DOCK3: variants seen among roughly 807,000 people sequenced by gnomAD.
DOCK3 encodes the protein dedicator of cytokinesis 3.
DOCK3 carries 60 observed loss-of-function variants against 265.6 expected under a neutral mutation model. The ratio of observed to expected loss-of-function variants is 0.23; its 90% CI spans 0.18 to 0.28. The LOEUF (loss-of-function observed/expected upper bound fraction) is 0.28, where lower values mean the gene tolerates loss of function less well. Among genes scored for constraint, DOCK3 ranks in the 10% least tolerant of loss-of-function variants. The pLI is 1.00. For synonymous variants in DOCK3, 881 were observed against 938.0 expected (o/e 0.94, Z 1.11); for missense variants, 1,981 against 2,594.3 (o/e 0.76, Z 5.14).
At chr3:50,773,244 TTAAAC>T (rs1192089203) in intron 1 of DOCK3, among the ~76,000 whole-genome samples, 2 of 152,112 alleles carry the variant, frequency 1.3e-5, no homozygotes, top group Non-Finnish European at 2.9e-5. Context: ...TGCAGAAGAA[TTAAAC>T]TAGACTCCTA....
chr3:50,795,275 C>T (rs778068475), intron 2 of DOCK3, among the ~76,000 whole-genome samples: 24 of 152,274 alleles, frequency 1.6e-4, no homozygotes, highest in Non-Finnish European at 2.6e-4. Flanking sequence ...AAATGTTGGC[C>T]TGTCGAGGTT....
chr3:51,341,718 G>A (rs1247043717), intron 38 of DOCK3, among the ~76,000 whole-genome samples: 1 of 152,232 alleles, frequency 6.6e-6, no homozygotes, highest in African/African-American at 2.4e-5. Flanking sequence ...TTAAAGAACT[G>A]ATACGGCTTT....
At chr3:51,304,826 C>T (rs1032739379) in intron 27 of DOCK3, among the ~76,000 whole-genome samples, 4 of 152,114 alleles carry the variant, frequency 2.6e-5, no homozygotes, top group Non-Finnish European at 5.9e-5. Flanking sequence ...ACCTAGATAC[C>T]TTGGTTGCCA....
chr3:51,284,171 G>A lies in DOCK3; in HGVS notation c.2922+3967G>A, dbSNP rs76406528. On this transcript the variant is annotated intron_variant, in intron 27 of 52. Transcript: ENST00000266037. ...GCTCCAACTTTTACAGCTTCTACCCGAAGGACTGCATCCTAAACCTCCTAG... is the reference window on the plus strand; with the variant it reads ...GCTCCAACTTTTACAGCTTCTACCCAAAGGACTGCATCCTAAACCTCCTAG... Among the ~76,000 whole-genome samples the A allele has an allele frequency of 7.5e-3, 1,139 of 151,930 alleles. 15 individuals are homozygous for A. Among genetic ancestry groups the A allele is most frequent in the African/African-American group, 0.026 (1,092 of 41,436 alleles).
At chr3:50,997,623 A>G (rs1394215782) in intron 5 of DOCK3, among the ~76,000 whole-genome samples, 1 of 152,218 alleles carries the variant, frequency 6.6e-6, no homozygotes, top group African/African-American at 2.4e-5. Flanking sequence ...CTCTTCTTAG[A>G]AATGGGACTC....
At chr3:51,085,868 C>T (rs576034105) in intron 7 of DOCK3, among the ~76,000 whole-genome samples, 8 of 151,902 alleles carry the variant, frequency 5.3e-5, no homozygotes, top group South Asian at 2.1e-4. Flanking sequence ...AAAGGATCAG[C>T]GAAACAAAAA....
At chr3:50,750,175 G>C (rs1329410667) in intron 1 of DOCK3, among the ~76,000 whole-genome samples, 1 of 152,076 alleles carries the variant, frequency 6.6e-6, no homozygotes, top group African/African-American at 2.4e-5. Context: ...ACTAATGACT[G>C]ATGATCTGAG....
intron 37 of DOCK3, among the ~76,000 whole-genome samples, chr3:51,339,927 G>C (rs902663825): frequency 1.3e-5 from 2 of 152,218 alleles, no homozygotes; most frequent in Non-Finnish European, 2.9e-5. Context: ...CTAGCCGTTA[G>C]AGAGTGTTTG....
chr3:50,791,624 G>T (rs1451526912), intron 2 of DOCK3, among the ~76,000 whole-genome samples: 1 of 152,072 alleles, frequency 6.6e-6, no homozygotes, highest in Non-Finnish European at 1.5e-5. Flanking sequence ...TAAGGAAGGG[G>T]TCCAGTTTCA....
At chr3:51,180,604 A>G (rs374712973) in intron 12 of DOCK3, among the ~76,000 whole-genome samples, 21 of 152,260 alleles carry the variant, frequency 1.4e-4, no homozygotes, top group African/African-American at 5.1e-4. Flanking sequence ...GATATTTGTC[A>G]TTGGATTTAG....
intron 47 of DOCK3, 35 bp downstream of exon 47, chr3:51,360,667 A>G: frequency 1.9e-6 from 3 of 1,612,532 alleles, no homozygotes; most frequent in Non-Finnish European, 1.7e-6. Context: ...TTCCCTCTGG[A>G]GAGGTGAGTC....
intron 2 of DOCK3, among the ~76,000 whole-genome samples, chr3:50,792,817 G>C (rs562477058): frequency 6.6e-6 from 1 of 152,158 alleles, no homozygotes. Flanking sequence ...ATGTGCTGCT[G>C]GATTTGGTTT....
intron 10 of DOCK3, 146 bp from the exon 11 acceptor site, chr3:51,159,097 TC>T: frequency 1.7e-6 from 1 of 594,576 alleles, no homozygotes; most frequent in Non-Finnish European, 2.9e-6. Flanking sequence ...ACTGCAGACA[TC>T]TTATAAACCA....
At chr3:51,311,188 A>C (rs1160767332) in intron 28 of DOCK3, among the ~76,000 whole-genome samples, 2 of 152,242 alleles carry the variant, frequency 1.3e-5, no homozygotes, top group African/African-American at 2.4e-5. Context: ...TTGTCCTGCA[A>C]GAGCAGCTTT....
At chr3:51,195,765 T>C (rs1305908540) in intron 12 of DOCK3, among the ~76,000 whole-genome samples, 1 of 151,962 alleles carries the variant, frequency 6.6e-6, no homozygotes, top group Non-Finnish European at 1.5e-5. Flanking sequence ...CACTTCCAGG[T>C]TTAGGACTCT....
intron 12 of DOCK3, among the ~76,000 whole-genome samples, chr3:51,205,305 A>G (rs1029722519): frequency 1.3e-5 from 2 of 152,182 alleles, no homozygotes; most frequent in African/African-American, 4.8e-5. Flanking sequence ...CAGGTATAAC[A>G]CGAGGATGCT....
At chr3:50,975,778 C>T (rs1307116566) in intron 5 of DOCK3, among the ~76,000 whole-genome samples, 1 of 151,818 alleles carries the variant, frequency 6.6e-6, no homozygotes, top group Non-Finnish European at 1.5e-5. Context: ...GTCCTGGACT[C>T]TTTTTGGTTG....
chr3:50,749,242 G>A (rs2108293854), intron 1 of DOCK3, among the ~76,000 whole-genome samples: 1 of 152,110 alleles, frequency 6.6e-6, no homozygotes, highest in Middle Eastern at 3.4e-3. Flanking sequence ...CCCTAGCCTG[G>A]GACAAATTTA....
chr3:51,304,341 G>A (rs549599144), intron 27 of DOCK3, among the ~76,000 whole-genome samples: 3 of 152,114 alleles, frequency 2.0e-5, no homozygotes, highest in African/African-American at 7.2e-5. Flanking sequence ...GGCAGCCATA[G>A]TGATGCCTGC....
Sources: allele counts gnomAD v4.1 joint callset (sites outside exome capture counted in the v4.1 genomes callset), GRCh38; gene constraint gnomAD v4.1.1; transcripts MANE v1.5; gene names NCBI Gene and HGNC (gene_info 2026-07-23, HGNC 2026-07-21).